The following AKAP12 variants were observed in gnomAD, a reference collection of about 807,000 sequenced individuals.
AKAP12 encodes A-kinase anchoring protein 12, also known as A-kinase anchor protein 12.
A neutral mutation model predicts 79.9 loss-of-function variants in AKAP12; 32 were observed. The observed-to-expected ratio is 0.40, with a 90% confidence interval of 0.30 to 0.54. AKAP12 has a LOEUF of 0.54. AKAP12 is among the 20% of genes least tolerant of loss of function. The probability of loss-of-function intolerance (pLI) is 0.48; values close to 1 mark genes in which losing one functional copy is unlikely to be tolerated. For missense variants in AKAP12, 2,074 were observed against 2,177.0 expected (o/e 0.95, Z 0.94); for synonymous variants, 808 against 857.0 (o/e 0.94, Z 1.00).
chr6:151,328,215 C>T (rs903769828), intron 3 of AKAP12, among the ~76,000 whole-genome samples: 11 of 151,262 alleles, frequency 7.3e-5, no homozygotes, highest in Admixed American at 1.3e-4. Context: ...GTAGTCCCAG[C>T]TACTTGGGAG....
intron 3 of AKAP12, chr6:151,323,603 T>C (rs1777454312): frequency 6.1e-6 from 4 of 659,694 alleles, no homozygotes; most frequent in Non-Finnish European, 3.8e-6. Context: ...ATGAATGTCA[T>C]AAAAAGAAAT....
At chr6:151,278,722 C>T (rs1776335576) in intron 2 of AKAP12, among the ~76,000 whole-genome samples, 1 of 150,562 alleles carries the variant, frequency 6.6e-6, no homozygotes, top group African/African-American at 2.4e-5. Context: ...GGCTGGAGTG[C>T]AGTGGCGCGA....
chr6:151,262,499 TC>T (rs1797458431), intron 2 of AKAP12, among the ~76,000 whole-genome samples: 1 of 152,216 alleles, frequency 6.6e-6, no homozygotes, highest in Admixed American at 6.5e-5. Flanking sequence ...TATATGATTG[TC>T]CTTTGGCTCT....
At chr6:151,327,799 T>G (rs1335460954) in intron 3 of AKAP12, among the ~76,000 whole-genome samples, 1 of 152,170 alleles carries the variant, frequency 6.6e-6, no homozygotes, top group African/African-American at 2.4e-5. Context: ...ACAATGTGGG[T>G]GTGGAGGATA....
intron 3 of AKAP12, among the ~76,000 whole-genome samples, chr6:151,334,437 T>C (rs946983753): frequency 1.3e-5 from 2 of 151,666 alleles, no homozygotes; most frequent in African/African-American, 4.8e-5. Context: ...CTACTAAAGA[T>C]AGAAATATTT....
chr6:151,262,225 GATAA>G (rs1311881770), intron 2 of AKAP12, among the ~76,000 whole-genome samples: 13 of 152,328 alleles, frequency 8.5e-5, no homozygotes, highest in Admixed American at 2.6e-4. Flanking sequence ...AAAGTGCTGG[GATAA>G]CAGGCATGAG....
At chr6:151,273,888 G>A (rs1776239886) in intron 2 of AKAP12, among the ~76,000 whole-genome samples, 1 of 152,064 alleles carries the variant, frequency 6.6e-6, no homozygotes, top group African/African-American at 2.4e-5. Context: ...AATTAGCCGG[G>A]TATGGTGGCG....
At chr6:151,341,867 A>G in intron 3 of AKAP12, 2 of 1,133,960 alleles carry the variant, frequency 1.8e-6, no homozygotes, top group South Asian at 1.4e-5. Context: ...GCGCAGGGAC[A>G]GGTCGGGAAG....
chr6:151,259,330 G>A (rs148885543), intron 2 of AKAP12, among the ~76,000 whole-genome samples: 2,108 of 151,518 alleles, frequency 0.014, 42 homozygotes, highest in African/African-American at 0.048. Context: ...ACAGGTGTGA[G>A]CCACGGCGCC....
intron 2 of AKAP12, among the ~76,000 whole-genome samples, chr6:151,284,809 C>T (rs1404224625): frequency 6.6e-6 from 1 of 152,172 alleles, no homozygotes; most frequent in Non-Finnish European, 1.5e-5. Context: ...TGTCTTAGTA[C>T]TCTGTCTTTG....
chr6:151,303,687 G>C (rs1374391178), intron 2 of AKAP12, among the ~76,000 whole-genome samples: 1 of 152,172 alleles, frequency 6.6e-6, no homozygotes. Context: ...ATGCAGGTCT[G>C]TACCAGACCT....
At chr6:151,284,847 G>C (rs1043845539) in intron 2 of AKAP12, among the ~76,000 whole-genome samples, 1 of 152,038 alleles carries the variant, frequency 6.6e-6, no homozygotes, top group Non-Finnish European at 1.5e-5. Flanking sequence ...TTGACTTGAC[G>C]CATCCAGATG....
intron 2 of AKAP12, among the ~76,000 whole-genome samples, chr6:151,264,047 C>A (rs1431733487): frequency 6.6e-6 from 1 of 152,240 alleles, no homozygotes; most frequent in African/African-American, 2.4e-5. Context: ...TGTCAATGCA[C>A]TCTCCAGCTT....
At chr6:151,307,804 A>G (rs1421371901) in intron 3 of AKAP12, among the ~76,000 whole-genome samples, 1 of 152,138 alleles carries the variant, frequency 6.6e-6, no homozygotes, top group African/African-American at 2.4e-5. Context: ...GCTTCTGACC[A>G]TGGCCTCGGA....
At chr6:151,299,146 G>A (rs778955721) in intron 2 of AKAP12, among the ~76,000 whole-genome samples, 9 of 152,146 alleles carry the variant, frequency 5.9e-5, no homozygotes, top group Admixed American at 2.0e-4. Flanking sequence ...GCTTGGCTCC[G>A]TCCCGTTCAA....
At chr6:151,311,165 T>G (rs768366043) in intron 3 of AKAP12, among the ~76,000 whole-genome samples, 4 of 152,216 alleles carry the variant, frequency 2.6e-5, no homozygotes, top group Non-Finnish European at 4.4e-5. Context: ...AAACAGGTTC[T>G]TGCCATGTTG....
chr6:151,277,517 C>G (rs1776309622), intron 2 of AKAP12, among the ~76,000 whole-genome samples: 1 of 152,144 alleles, frequency 6.6e-6, no homozygotes, highest in South Asian at 2.1e-4. Context: ...ACAATACATG[C>G]TAAATTCCTT....
intron 2 of AKAP12, among the ~76,000 whole-genome samples, chr6:151,256,971 A>ACT (rs1186554090): frequency 1.7e-4 from 20 of 119,996 alleles, no homozygotes; most frequent in African/African-American, 6.9e-4. Flanking sequence ...TAAACTTTAA[A>ACT]TTAACCAAAT....
intron 2 of AKAP12, among the ~76,000 whole-genome samples, chr6:151,278,203 T>C (rs369732650): frequency 1.4e-4 from 18 of 125,412 alleles, no homozygotes; most frequent in African/African-American, 4.7e-4. Flanking sequence ...TTTTTTTTGG[T>C]TTTTTGTTTG....
Sources: allele counts gnomAD v4.1 joint callset (sites outside exome capture counted in the v4.1 genomes callset), GRCh38; gene constraint gnomAD v4.1.1; transcripts MANE v1.5; gene names NCBI Gene and HGNC (gene_info 2026-07-23, HGNC 2026-07-21).